The following ZFHX3 variants were observed in gnomAD, a reference collection of about 807,000 sequenced individuals.
ZFHX3 encodes the protein zinc finger homeobox protein 3.
Under a neutral mutation model 279.1 loss-of-function variants are expected in ZFHX3, and 42 were observed. The observed-to-expected ratio is 0.15, with a 90% CI of 0.12 to 0.19. ZFHX3 has a LOEUF of 0.19. ZFHX3 is among the 10% of genes least tolerant of loss of function. The probability of loss-of-function intolerance (pLI) is 1.00; values close to 1 mark genes in which losing one functional copy is unlikely to be tolerated. For synonymous variants in ZFHX3, 2,293 were observed against 1,957.8 expected (o/e 1.17, Z -4.52); for missense variants, 4,981 against 4,754.0 (o/e 1.05, Z -1.40).
intron 3 of ZFHX3, among the ~76,000 whole-genome samples, chr16:72,934,143 A>G (rs1959980992): frequency 6.6e-6 from 1 of 152,144 alleles, no homozygotes; most frequent in Non-Finnish European, 1.5e-5. Flanking sequence ...AAGTTAGAGT[A>G]GGCTAGGCGT....
intron 1 of ZFHX3, among the ~76,000 whole-genome samples, chr16:73,726,631 G>A (rs528603367): frequency 2.6e-5 from 4 of 152,180 alleles, no homozygotes; most frequent in African/African-American, 9.7e-5. Context: ...CTTCTGGGGA[G>A]GCCTCAGAGA....
intron 5 of ZFHX3, among the ~76,000 whole-genome samples, chr16:73,229,276 G>C (rs1198519759): frequency 6.6e-6 from 1 of 152,150 alleles, no homozygotes; most frequent in Admixed American, 6.5e-5. Context: ...CCCCAACCCA[G>C]TGACACTTTG....
At chr16:73,741,390 T>C (rs962238184) in intron 1 of ZFHX3, among the ~76,000 whole-genome samples, 1 of 152,198 alleles carries the variant, frequency 6.6e-6, no homozygotes, top group Non-Finnish European at 1.5e-5. Context: ...GTTCATGCTC[T>C]ACCTAAAGCC....
At chr16:73,426,674 T>A (rs1243490526) in intron 3 of ZFHX3, among the ~76,000 whole-genome samples, 1 of 152,126 alleles carries the variant, frequency 6.6e-6, no homozygotes, top group Admixed American at 6.6e-5. Context: ...AAAAAAAATA[T>A]GACGGCTGCA....
At chr16:72,871,691 G>A (rs1029257840) in intron 4 of ZFHX3, among the ~76,000 whole-genome samples, 2 of 150,120 alleles carry the variant, frequency 1.3e-5, no homozygotes, top group South Asian at 2.1e-4. Context: ...TGGCCAGGGT[G>A]GTTTTGAACT....
At chr16:73,097,676 C>T (rs1319989666) in intron 7 of ZFHX3, among the ~76,000 whole-genome samples, 1 of 152,134 alleles carries the variant, frequency 6.6e-6, no homozygotes, top group Non-Finnish European at 1.5e-5. Flanking sequence ...CATTTCTCGT[C>T]ACTCTAAACG....
At chr16:73,389,737 G>A (rs369657335) in intron 3 of ZFHX3, among the ~76,000 whole-genome samples, 1 of 152,206 alleles carries the variant, frequency 6.6e-6, no homozygotes, top group Non-Finnish European at 1.5e-5. Context: ...CTGCCCTTTG[G>A]GGCCAGTCAG....
intron 3 of ZFHX3, among the ~76,000 whole-genome samples, chr16:72,935,392 CTG>C (rs1378860975): frequency 3.9e-5 from 6 of 152,210 alleles, no homozygotes; most frequent in Non-Finnish European, 5.9e-5. Context: ...TCTAGGGAAA[CTG>C]AGGGAGGAGG....
intron 3 of ZFHX3, among the ~76,000 whole-genome samples, chr16:72,942,237 G>A (rs889318159): frequency 1.3e-5 from 2 of 152,316 alleles, no homozygotes; most frequent in East Asian, 1.9e-4. Context: ...TGTGGCACCT[G>A]CCATATTGGC....
At chr16:73,097,205 C>A (rs1966175379) in intron 7 of ZFHX3, among the ~76,000 whole-genome samples, 1 of 151,490 alleles carries the variant, frequency 6.6e-6, no homozygotes, top group Non-Finnish European at 1.5e-5. Flanking sequence ...AGGTGCTTGC[C>A]TCCTCACCAC....
intron 1 of ZFHX3, among the ~76,000 whole-genome samples, chr16:73,789,331 T>A (rs1959755523): frequency 6.6e-6 from 1 of 151,912 alleles, no homozygotes; most frequent in African/African-American, 2.4e-5. Flanking sequence ...CAGGTGCATG[T>A]CAGCACACCC....
At chr16:73,857,224 G>A (rs939607834) in intron 1 of ZFHX3, among the ~76,000 whole-genome samples, 1 of 152,130 alleles carries the variant, frequency 6.6e-6, no homozygotes, top group Non-Finnish European at 1.5e-5. Context: ...TATTAAATTA[G>A]GGCTTAGAAA....
chr16:72,977,380 C>A (rs77536653), intron 1 of ZFHX3, among the ~76,000 whole-genome samples: 3,242 of 152,242 alleles, frequency 0.021, 114 homozygotes, highest in African/African-American at 0.074. Context: ...CCAGCTTTCA[C>A]GTGACCAGTG....
At chr16:73,322,408 T>C (rs1156269020) in intron 3 of ZFHX3, among the ~76,000 whole-genome samples, 1 of 152,196 alleles carries the variant, frequency 6.6e-6, no homozygotes, top group African/African-American at 2.4e-5. Context: ...TCTTGATGTA[T>C]GGTCCCATCA....
At chr16:73,480,323 C>T (rs540832167) in intron 2 of ZFHX3, among the ~76,000 whole-genome samples, 2 of 152,296 alleles carry the variant, frequency 1.3e-5, no homozygotes, top group East Asian at 3.9e-4. Context: ...CTATTAGCGG[C>T]CACCACCTGC....
intron 2 of ZFHX3, among the ~76,000 whole-genome samples, chr16:73,564,789 T>C (rs1350951174): frequency 6.6e-6 from 1 of 152,206 alleles, no homozygotes; most frequent in East Asian, 1.9e-4. Context: ...TTATAAAAAT[T>C]AGATGGTAAA....
chr16:73,143,750 A>G lies in ZFHX3; in HGVS notation c.-1024+2T>C. ...TTGAGAAACAAGAAAGCTGGAACTCACCTCTCTAATTCCGGCAAAGCTGGA... is the reference window on the plus strand; with the variant it reads ...TTGAGAAACAAGAAAGCTGGAACTCGCCTCTCTAATTCCGGCAAAGCTGGA... On this transcript the variant is annotated splice_donor_variant, in intron 6 of 17. Transcript: ENST00000641206. LOFTEE classifies it low-confidence loss of function (5UTR_SPLICE). The G allele has an allele frequency of 7.7e-7, 1 of 1,305,306 alleles. No individual in the cohort carries two copies. Among genetic ancestry groups the G allele is most frequent in the Non-Finnish European group, 1.0e-6 (1 of 988,744 alleles). The allele number at this position is 1,305,306 out of a possible 1,614,324, so 80.9% of individuals were successfully genotyped here.
chr16:73,101,560 T>A (rs184054958), intron 7 of ZFHX3, among the ~76,000 whole-genome samples: 12 of 152,012 alleles, frequency 7.9e-5, no homozygotes, highest in African/African-American at 2.7e-4. Context: ...TTAAATTTTT[T>A]TAAATTTTTT....
chr16:73,728,303 G>A (rs2639314), intron 1 of ZFHX3, among the ~76,000 whole-genome samples: 130,991 of 152,102 alleles, frequency 0.86, 56,845 homozygotes, highest in Non-Finnish European at 0.91. Flanking sequence ...AATCAAAGCA[G>A]CGCTGCTGAC....
Sources: gnomAD v4.1 joint callset for allele counts (sites outside exome capture counted in the v4.1 genomes callset) on GRCh38, gnomAD v4.1.1 for gene constraint, MANE v1.5 for transcripts, NCBI Gene and HGNC (gene_info 2026-07-23, HGNC 2026-07-21) for gene names.